The following SESTD1 variants were observed in gnomAD, a reference collection of about 807,000 sequenced individuals.
The protein encoded by SESTD1 is SEC14 and spectrin domain containing 1.
A neutral mutation model predicts 101.7 loss-of-function variants in SESTD1; 43 were observed. The observed-to-expected ratio is 0.42, with a 90% CI of 0.33 to 0.55. The LOEUF is 0.55. Among genes scored for constraint, SESTD1 ranks in the 20% least tolerant of loss-of-function variants. SESTD1 has a pLI of 0.07. For synonymous variants in SESTD1, 283 were observed against 286.8 expected, an observed-to-expected ratio of 0.99 and a Z score of 0.13; for missense variants, 647 against 815.1, an observed-to-expected ratio of 0.79 and a Z score of 2.51.
At chr2:179,129,561 T>C (rs1367925917) in intron 10 of SESTD1, among the ~76,000 whole-genome samples, 1 of 152,176 alleles carries the variant, frequency 6.6e-6, no homozygotes, top group Non-Finnish European at 1.5e-5. Context: ...TAAAATTTAA[T>C]ATATGACATA....
intron 5 of SESTD1, among the ~76,000 whole-genome samples, chr2:179,164,528 C>T (rs2045800323): frequency 6.6e-6 from 1 of 152,154 alleles, no homozygotes; most frequent in Non-Finnish European, 1.5e-5. Context: ...CCAGCAAAAC[C>T]TATCATAGTC....
chr2:179,198,469 C>T, intron 1 of SESTD1, among the ~76,000 whole-genome samples: 1 of 152,194 alleles, frequency 6.6e-6, no homozygotes, highest in Non-Finnish European at 1.5e-5. Flanking sequence ...TAGACATCTG[C>T]AGAACTCTCC....
At chr2:179,149,257 A>G in intron 7 of SESTD1, 40 bp downstream of exon 7, 1 of 1,363,366 alleles carries the variant, frequency 7.3e-7, no homozygotes, top group Non-Finnish European at 1.0e-6. Context: ...GAATAATTAT[A>G]GTTTTGCAAG....
At chr2:179,239,234 A>T (rs1007794714) in intron 1 of SESTD1, among the ~76,000 whole-genome samples, 3 of 151,736 alleles carry the variant, frequency 2.0e-5, no homozygotes, top group Non-Finnish European at 4.4e-5. Flanking sequence ...TGAATAGAGA[A>T]TTTTTTTTTA....
At chr2:179,172,029 T>A (rs2045937597) in intron 5 of SESTD1, 91 bp downstream of exon 5, 3 of 770,932 alleles carry the variant, frequency 3.9e-6, no homozygotes, top group Non-Finnish European at 6.3e-6. Flanking sequence ...TAAGCACTGC[T>A]TAGTAACCAA....
chr2:179,117,436 T>C, intron 14 of SESTD1, 96 bp downstream of exon 14: 1 of 1,146,030 alleles, frequency 8.7e-7, no homozygotes, highest in Non-Finnish European at 1.2e-6. Flanking sequence ...AGAATTTACT[T>C]TTTTAGGACC....
rs765514383 is a variant in SESTD1, at chr2:179,143,742, T to C, written c.699A>G (p.Ser233=). 19 of 1,613,862 alleles carry C rather than the reference T, an allele frequency of 1.2e-5. No individual in the cohort carries two copies. The highest frequency in any genetic ancestry group is 4.0e-5 in the African/African-American group (3 of 74,930). The change falls in exon 9 of 18, where the codon TCA becomes TCG. Residue 233 remains serine (S), a synonymous_variant. Transcript: ENST00000428443. ...GAAGTTCATCATCCATAGGAGACCA[T>C]GAAACCCCTCCGTCTGAGCCATTAA... ...RRFNGSDGGV[S]WSPMDDELLA...
chr2:179,241,429 T>G (rs1403122415), intron 1 of SESTD1, among the ~76,000 whole-genome samples: 1 of 152,066 alleles, frequency 6.6e-6, no homozygotes, highest in Non-Finnish European at 1.5e-5. Context: ...ATTAAACTTT[T>G]GAAAACTAAG....
intron 1 of SESTD1, among the ~76,000 whole-genome samples, chr2:179,221,957 G>C (rs1005297732): frequency 3.9e-5 from 6 of 151,940 alleles, no homozygotes; most frequent in Non-Finnish European, 8.8e-5. Flanking sequence ...AACATATATT[G>C]TATTTTTTGT....
intron 17 of SESTD1, among the ~76,000 whole-genome samples, chr2:179,110,800 A>C (rs868205892): frequency 6.6e-5 from 10 of 152,340 alleles, no homozygotes; most frequent in Middle Eastern, 3.4e-3. Flanking sequence ...AACACTACAC[A>C]CAACTTTGGG....
chr2:179,222,450 C>G (rs927847873), intron 1 of SESTD1, among the ~76,000 whole-genome samples: 4 of 152,120 alleles, frequency 2.6e-5, no homozygotes, highest in African/African-American at 9.7e-5. Flanking sequence ...GCTAAATCTT[C>G]CTTCCTCCAC....
intron 1 of SESTD1, among the ~76,000 whole-genome samples, chr2:179,246,254 C>CAAAAA (rs60185738): frequency 3.8e-4 from 28 of 73,608 alleles, no homozygotes; most frequent in Admixed American, 1.5e-3. Flanking sequence ...GACTCCATCT[C>CAAAAA]AAAAAAAAAA....
intron 2 of SESTD1, among the ~76,000 whole-genome samples, chr2:179,187,967 A>G (rs1307861508): frequency 6.6e-6 from 1 of 152,200 alleles, no homozygotes; most frequent in African/African-American, 2.4e-5. Context: ...GATGAATTAG[A>G]CAGCCACACA....
intron 1 of SESTD1, among the ~76,000 whole-genome samples, chr2:179,198,268 A>C (rs183948747): frequency 6.3e-4 from 96 of 152,310 alleles, no homozygotes; most frequent in South Asian, 4.6e-3. Context: ...TCCTAAATAT[A>C]TATGCACCCA....
chr2:179,120,012 CGA>C (rs1315223900), intron 13 of SESTD1, among the ~76,000 whole-genome samples: 1 of 152,066 alleles, frequency 6.6e-6, no homozygotes, highest in Non-Finnish European at 1.5e-5. Context: ...GGGCGGATCA[CGA>C]GGTCAGGAGT....
chr2:179,253,864 G>A (rs928545635), intron 1 of SESTD1, among the ~76,000 whole-genome samples: 3 of 152,040 alleles, frequency 2.0e-5, no homozygotes, highest in Non-Finnish European at 4.4e-5. Flanking sequence ...TTAGAAGGCT[G>A]AAGCAAGCGG....
intron 1 of SESTD1, among the ~76,000 whole-genome samples, chr2:179,248,458 T>C (rs2047265580): frequency 6.6e-6 from 1 of 152,100 alleles, no homozygotes; most frequent in Non-Finnish European, 1.5e-5. Flanking sequence ...AAGACATGAA[T>C]ATAAACCTAA....
chr2:179,261,252 T>C (rs2047478865), intron 1 of SESTD1, among the ~76,000 whole-genome samples: 1 of 152,242 alleles, frequency 6.6e-6, no homozygotes, highest in Non-Finnish European at 1.5e-5. Flanking sequence ...CAACACCTTA[T>C]GGTTTGTTAT....
At position 179,123,779 on chromosome 2, in the gene SESTD1, T is replaced by C; in HGVS notation, c.1218A>G (p.Ala406=). 6.2e-7 allele frequency: 1 copy of C among 1,614,076 alleles called. No homozygotes were observed. Among genetic ancestry groups the C allele is most frequent in the South Asian group, 1.1e-5 (1 of 91,084 alleles). ...GCTGAATCGATGCTCCATCAGCTGG[T>C]GCTACATCTACGCACAACATCCCTA... ...GLLGMLCVDV[A]PADGASIQQT... is the part of the protein sequence containing the mutation. Residue 406 remains alanine (A), a synonymous_variant, in exon 12 of 18, where the codon GCA becomes GCG. Transcript: ENST00000428443.
Sources: allele counts gnomAD v4.1 joint callset (sites outside exome capture counted in the v4.1 genomes callset), GRCh38; gene constraint gnomAD v4.1.1; transcripts MANE v1.5; gene names NCBI Gene and HGNC (gene_info 2026-07-23, HGNC 2026-07-21).